The following PPP2R3B variants were observed in gnomAD, a reference collection of about 807,000 sequenced individuals.
PPP2R3B encodes the protein serine/threonine-protein phosphatase 2A regulatory subunit B'' subunit beta.
PPP2R3B carries 68 observed loss-of-function variants against 72.9 expected under a neutral mutation model. The observed-to-expected ratio is 0.93, with a 90% CI of 0.77 to 1.14. The LOEUF (loss-of-function observed/expected upper bound fraction) is 1.14, where lower values mean the gene tolerates loss of function less well. PPP2R3B is among the 50% of genes most tolerant of loss of function. The pLI, the probability that PPP2R3B is intolerant of heterozygous loss-of-function variation, is 0.00. For missense variants in PPP2R3B, 1,018 were observed against 842.0 expected, an observed-to-expected ratio of 1.21 and a Z score of -2.59; for synonymous variants, 466 against 375.8, an observed-to-expected ratio of 1.24 and a Z score of -2.78.
chrX:339,043 G>A (rs1348000174), intron 10 of PPP2R3B, 147 bp from the exon 11 acceptor site: 2 of 739,278 alleles, frequency 2.7e-6, no homozygotes, highest in African/African-American at 1.7e-5. Context: ...GTGAAAGGCG[G>A]ACACGCGAGT....
intron 2 of PPP2R3B, among the ~76,000 whole-genome samples, chrX:351,773 G>C (rs1196516222): frequency 6.6e-6 from 1 of 152,212 alleles, no homozygotes; most frequent in Non-Finnish European, 1.5e-5. Context: ...TCACAGCTCA[G>C]TGCAGTCTCA....
chrX:369,487 A>C (rs113918025), intron 1 of PPP2R3B, among the ~76,000 whole-genome samples: 32,722 of 152,056 alleles, frequency 0.22, 4,097 homozygotes, highest in Non-Finnish European at 0.28. Flanking sequence ...GAGTACACCC[A>C]CAGTTTTGCA....
chrX:338,691 G>A lies in PPP2R3B; in HGVS notation c.1490C>T (p.Pro497Leu). 1 of 1,611,696 alleles carries A rather than the reference G, an allele frequency of 6.2e-7. No homozygotes were observed. The highest frequency in any genetic ancestry group is 8.5e-7 in the Non-Finnish European group (1 of 1,179,658). Residue 497 changes from proline to leucine, a missense_variant, in exon 12 of 13, where the codon CCC becomes CTC. Coordinates refer to ENST00000390665, the MANE Select transcript of PPP2R3B (RefSeq NM_013239.5). Reference sequence around the variant, plus strand: ...GTACTTCTCCCAGTCCGAGAGCTCGGGGCCGCCGCTGTCACCGTCCTGGAG... The same window carrying A: ...GTACTTCTCCCAGTCCGAGAGCTCGAGGCCGCCGCTGTCACCGTCCTGGAG... ...SLLRDGDSGG[P>L]ELSDWEKYAA... is the part of the protein sequence containing the mutation.
In PPP2R3B at chrX:361,464, T is replaced by C. The variant is rs767544894; in HGVS notation, c.451A>G (p.Thr151Ala). 7 of 1,613,796 alleles carry C rather than the reference T, an allele frequency of 4.3e-6. No individual in the cohort carries two copies. The highest frequency in any genetic ancestry group is 3.3e-5 in the Admixed American group (2 of 59,996). ...VDAVISKIESTFARFPHERAT... is the reference protein window; with the variant it reads ...VDAVISKIESAFARFPHERAT... ...CTCTCGTGGGGGAACCGGGCGAAGG[T>C]GCTCTCGATCTTGCTGATGACGGCA... Residue 151 changes from threonine (T) to alanine (A), a missense_variant, in exon 2 of 13, where the codon ACC (threonine) becomes GCC (alanine). Transcript: ENST00000390665.
chrX:347,648 C>T lies in PPP2R3B; in HGVS notation c.556G>A (p.Ala186Thr), dbSNP rs5948798. 631 of 1,572,598 alleles carry T rather than the reference C, an allele frequency of 4.0e-4. No individual in the cohort carries two copies. The highest frequency in any genetic ancestry group is 6.3e-4 in the African/African-American group (47 of 74,160). The change falls in exon 3 of 13, where the codon GCC becomes ACC. Residue 186 changes from alanine (A) to threonine (T), a missense_variant. By Grantham distance (58) the Ala-to-Thr change is moderately conservative. Coordinates refer to ENST00000390665, the MANE Select transcript of PPP2R3B (RefSeq NM_013239.5). The part of the protein sequence containing the change: ...LYWKGPLFYG[A>T]GGERTGSVSV... ...ACGGAGCCCGTGCGCTCCCCGCCGG[C>T]GCCATAGAAGAGCGGCCCCTTCCAG... is the stretch of plus-strand genomic sequence containing the variant.
At chrX:339,274 G>GT (rs942453856) in intron 10 of PPP2R3B, among the ~76,000 whole-genome samples, 3 of 150,164 alleles carry the variant, frequency 2.0e-5, no homozygotes, top group South Asian at 2.1e-4. Context: ...CCCATGGCCG[G>GT]GGGGGGCAGG....
intron 1 of PPP2R3B, among the ~76,000 whole-genome samples, chrX:384,252 C>T (rs1359825458): frequency 1.3e-5 from 2 of 151,256 alleles, no homozygotes; most frequent in Admixed American, 6.6e-5. Context: ...AGCTCGCGCA[C>T]GCAAGAAGAC....
At chrX:342,165 G>A (rs1263466622) in intron 7 of PPP2R3B, 9 of 613,396 alleles carry the variant, frequency 1.5e-5, no homozygotes, top group Admixed American at 1.4e-4. Flanking sequence ...AGCTGACCGC[G>A]GCTCCAAGAC....
intron 2 of PPP2R3B, 101 bp downstream of exon 2, chrX:361,303 AC>A (rs1172028907): frequency 4.8e-5 from 17 of 357,894 alleles, no homozygotes; most frequent in Admixed American, 3.5e-4. Flanking sequence ...GTGCCGCCTC[AC>A]TCACGCTCGT....
At chrX:369,789 G>A (rs1001588745) in intron 1 of PPP2R3B, among the ~76,000 whole-genome samples, 57 of 152,352 alleles carry the variant, frequency 3.7e-4, no homozygotes, top group Admixed American at 3.3e-4. Flanking sequence ...AGCAGCAGGG[G>A]GCCGGCGGAA....
intron 12 of PPP2R3B, 125 bp from the exon 13 acceptor site, chrX:334,642 A>C: frequency 8.8e-7 from 1 of 1,138,826 alleles, no homozygotes; most frequent in Non-Finnish European, 1.1e-6. Context: ...GCCGACCTTG[A>C]GCTCCAGCCG....
At position 347,615 on chromosome X, in the gene PPP2R3B, G is replaced by A. The variant is rs775094911; in HGVS notation, c.589C>T (p.His197Tyr). ...TTTCTCCACATGGCGACGAACTTGT[G>A]GACGGACACGGAGCCCGTGCGCTCC... ...GGERTGSVSV[H>Y]KFVAMWRKIL... Residue 197 changes from histidine to tyrosine, a missense_variant, in exon 3 of 13, where the codon CAC becomes TAC. By Grantham distance (83) the His-to-Tyr change is moderately conservative. Coordinates refer to ENST00000390665, the MANE Select transcript of PPP2R3B (RefSeq NM_013239.5). 2.2e-5 allele frequency: 35 copies of A among 1,579,460 alleles called. No homozygotes were observed. Among genetic ancestry groups the A allele is most frequent in the Non-Finnish European group, 2.9e-5 (34 of 1,162,278 alleles).
In PPP2R3B at chrX:347,324, G is replaced by C. The variant is rs1162735106; in HGVS notation, c.627C>G (p.Asn209Lys). Residue 209 changes from asparagine to lysine, a missense_variant, in exon 4 of 13, where the codon AAC becomes AAG. Asn to Lys is a moderately conservative substitution (Grantham distance 94). Coordinates refer to ENST00000390665, the MANE Select transcript of PPP2R3B (RefSeq NM_013239.5). ...CGAACTTGGCCGCGTCGTCGTGGCA[G>C]TTCTGGAGGATTCTGGAAGGACAGG... ...FVAMWRKILQ[N>K]CHDDAAKFVH... 1 of 1,613,768 alleles carries C rather than the reference G, an allele frequency of 6.2e-7. No homozygotes were observed. Among genetic ancestry groups the C allele is most frequent in the East Asian group, 2.2e-5 (1 of 44,870 alleles).
chrX:364,648 G>A (rs1452593199), intron 1 of PPP2R3B, among the ~76,000 whole-genome samples: 13 of 138,934 alleles, frequency 9.4e-5, no homozygotes, highest in Admixed American at 2.2e-4. Flanking sequence ...AACACAGGAG[G>A]CGGAGGTTGC....
chrX:335,553 G>T (rs2070866686), intron 12 of PPP2R3B: 1 of 152,272 alleles, frequency 6.6e-6, no homozygotes, highest in African/African-American at 2.4e-5. Context: ...GAACCCATGG[G>T]TCGGGAACCC....
chrX:361,656 A>C, intron 1 of PPP2R3B, 66 bp from the exon 2 acceptor site: 1 of 1,578,174 alleles, frequency 6.3e-7, no homozygotes, highest in Middle Eastern at 2.0e-4. Flanking sequence ...TCACCCGGAC[A>C]ACACACGGGG....
chrX:341,546 GGGA>G, intron 8 of PPP2R3B, 150 bp from the exon 9 acceptor site: 1 of 779,544 alleles, frequency 1.3e-6, no homozygotes, highest in South Asian at 1.6e-5. Flanking sequence ...TGCCTCTCCG[GGGA>G]GGAGGTGGAG....
At chrX:371,039 G>A (rs1440401832) in intron 1 of PPP2R3B, among the ~76,000 whole-genome samples, 6 of 152,108 alleles carry the variant, frequency 3.9e-5, no homozygotes, top group South Asian at 2.1e-4. Context: ...CTCCCCAGGC[G>A]GGGAGGGCCA....
chrX:364,056 G>A (rs2071627167), intron 1 of PPP2R3B, among the ~76,000 whole-genome samples: 2 of 152,264 alleles, frequency 1.3e-5, no homozygotes, highest in African/African-American at 4.8e-5. Flanking sequence ...GAAGCCCGTG[G>A]AGCCTGAACA....
Sources: gnomAD v4.1 joint callset for allele counts (sites outside exome capture counted in the v4.1 genomes callset) on GRCh38, gnomAD v4.1.1 for gene constraint, MANE v1.5 for transcripts, NCBI Gene and HGNC (gene_info 2026-07-23, HGNC 2026-07-21) for gene names.